PPIH: variants seen among roughly 807,000 people sequenced by gnomAD.
PPIH encodes peptidyl-prolyl cis-trans isomerase H.
PPIH carries 16 observed loss-of-function variants against 27.6 expected under a neutral mutation model. The ratio of observed to expected loss-of-function variants is 0.58; its 90% CI spans 0.39 to 0.88. The LOEUF is 0.88. Ranked by LOEUF, PPIH falls within the 40% of genes least tolerant of loss-of-function variation. The probability of loss-of-function intolerance (pLI) is 0.00; values close to 1 mark genes in which losing one functional copy is unlikely to be tolerated. For synonymous variants in PPIH, 63 were observed against 76.1 expected (o/e 0.83, Z 0.90); for missense variants, 155 against 224.1 (o/e 0.69, Z 1.97).
chr1:42,680,822 GAGTAGTA>G (rs1361632981), downstream of PPIH, among the ~76,000 whole-genome samples: 11 of 152,192 alleles, frequency 7.2e-5, no homozygotes, highest in African/African-American at 2.7e-4. Context: ...CTCCAAACCT[GAGTAGTA>G]AGTCAGAACC....
intron 2 of PPIH, 103 bp downstream of exon 2, chr1:42,659,011 C>A: frequency 7.2e-7 from 1 of 1,391,164 alleles, no homozygotes; most frequent in Non-Finnish European, 1.0e-6. Flanking sequence ...GCTCACTGCT[C>A]TTGAGACCTG....
At chr1:42,667,151 T>C (rs1220173127) in intron 8 of PPIH, among the ~76,000 whole-genome samples, 200 bp from the exon 9 acceptor site, 1 of 152,244 alleles carries the variant, frequency 6.6e-6, no homozygotes, top group Non-Finnish European at 1.5e-5. Flanking sequence ...CTTTTTCTTA[T>C]ATAATCATAA....
At chr1:42,667,116 A>G (rs1649382976) in intron 8 of PPIH, among the ~76,000 whole-genome samples, 1 of 152,064 alleles carries the variant, frequency 6.6e-6, no homozygotes, top group Non-Finnish European at 1.5e-5. Flanking sequence ...TGCCTATCTA[A>G]CCCTTATCCA....
chr1:42,664,326 A>G (rs1050135772), intron 5 of PPIH, among the ~76,000 whole-genome samples: 4 of 152,214 alleles, frequency 2.6e-5, no homozygotes, highest in Non-Finnish European at 4.4e-5. Flanking sequence ...GAGAGCATCT[A>G]TCCCACCTCC....
At chr1:42,680,923 G>A (rs1213825334), downstream of PPIH, among the ~76,000 whole-genome samples, 1 of 152,174 alleles carries the variant, frequency 6.6e-6, no homozygotes, top group East Asian at 1.9e-4. Flanking sequence ...AATTGGTGAT[G>A]ATGGCCTACA....
intron 9 of PPIH, among the ~76,000 whole-genome samples, chr1:42,674,749 C>T (rs1299672291): frequency 1.3e-5 from 2 of 152,192 alleles, no homozygotes; most frequent in East Asian, 3.8e-4. Context: ...AGAGGTTTTA[C>T]ATGAAAATAT....
downstream of PPIH, chr1:42,678,972 G>A (rs1256290025): frequency 6.6e-6 from 1 of 152,268 alleles, no homozygotes; most frequent in Non-Finnish European, 1.5e-5. Context: ...GAGATGGGGG[G>A]ACAAGGTAAA....
At chr1:42,673,816 T>C (rs1476456802) in intron 9 of PPIH, among the ~76,000 whole-genome samples, 1 of 152,236 alleles carries the variant, frequency 6.6e-6, no homozygotes, top group Admixed American at 6.5e-5. Context: ...TGAGGCAATA[T>C]TGAAGTTCAA....
At chr1:42,671,798 AAG>A (rs1336994933) in intron 9 of PPIH, among the ~76,000 whole-genome samples, 3 of 152,160 alleles carry the variant, frequency 2.0e-5, no homozygotes, top group African/African-American at 7.2e-5. Context: ...AAATTAATGA[AAG>A]AGGAGATGAA....
chr1:42,679,661 G>C (rs1406375529), downstream of PPIH, among the ~76,000 whole-genome samples: 1 of 152,232 alleles, frequency 6.6e-6, no homozygotes, highest in African/African-American at 2.4e-5. Flanking sequence ...TAGTGAGGCT[G>C]TTCACTTATT....
chr1:42,663,864 T>C (rs961532342), intron 5 of PPIH, among the ~76,000 whole-genome samples: 1 of 152,212 alleles, frequency 6.6e-6, no homozygotes, highest in Non-Finnish European at 1.5e-5. Flanking sequence ...CTTTCTCCCA[T>C]GTACTCTTTC....
At chr1:42,678,766 A>C (rs1279495278), downstream of PPIH, 1 of 152,240 alleles carries the variant, frequency 6.6e-6, no homozygotes, top group Non-Finnish European at 1.5e-5. Flanking sequence ...AGCTTCTGGA[A>C]TCTAATAGAT....
chr1:42,667,389 T>C lies in PPIH; in HGVS notation c.504T>C (p.Pro168=). The C allele has an allele frequency of 1.2e-6, 2 of 1,609,186 alleles. No individual in the cohort carries two copies. The highest frequency in any genetic ancestry group is 1.7e-6 in the Non-Finnish European group (2 of 1,175,522). The change falls in exon 9 of 10, where the codon CCT becomes CCC. Residue 168 remains proline, a synonymous_variant. Coordinates refer to ENST00000304979, the MANE Select transcript of PPIH (RefSeq NM_006347.4). ...PTGPNNKPKL[P]VVISQCGEM is the part of the protein sequence containing the mutation. ...GCCCCAACAATAAGCCCAAGCTACC[T>C]GTGGTGATCTCGCAGTGTGGGGAGA...
At chr1:42,671,473 T>G (rs1011631251) in intron 9 of PPIH, among the ~76,000 whole-genome samples, 1 of 152,212 alleles carries the variant, frequency 6.6e-6, no homozygotes, top group African/African-American at 2.4e-5. Flanking sequence ...AAAGAGCCAG[T>G]TGTAGCTAGT....
intron 8 of PPIH, 63 bp downstream of exon 8, chr1:42,666,650 T>C: frequency 3.3e-6 from 5 of 1,521,976 alleles, no homozygotes; most frequent in South Asian, 1.1e-5. Context: ...CTGACTAGCG[T>C]GCAGGAGCTA....
chr1:42,674,977 G>T (rs947624260), intron 9 of PPIH, among the ~76,000 whole-genome samples: 1 of 152,228 alleles, frequency 6.6e-6, no homozygotes, highest in African/African-American at 2.4e-5. Flanking sequence ...ATTCTCTTCA[G>T]TGGAATACTA....
chr1:42,662,355 TAG>T (rs1649084739), intron 5 of PPIH, among the ~76,000 whole-genome samples: 2 of 152,194 alleles, frequency 1.3e-5, no homozygotes, highest in Non-Finnish European at 2.9e-5. Flanking sequence ...CTTGGCAACA[TAG>T]TAAGACCCTG....
intron 9 of PPIH, among the ~76,000 whole-genome samples, chr1:42,674,317 C>G (rs1420894494): frequency 6.6e-6 from 1 of 152,172 alleles, no homozygotes; most frequent in Non-Finnish European, 1.5e-5. Context: ...GAGGGAACAG[C>G]CTATGCAAAG....
chr1:42,671,180 G>C (rs1018769625), intron 9 of PPIH, among the ~76,000 whole-genome samples: 1 of 152,090 alleles, frequency 6.6e-6, no homozygotes, highest in Non-Finnish European at 1.5e-5. Context: ...TGTAATCCCA[G>C]CACTTTGGGA....
Sources: allele counts gnomAD v4.1 joint callset (sites outside exome capture counted in the v4.1 genomes callset), GRCh38; gene constraint gnomAD v4.1.1; transcripts MANE v1.5; gene names NCBI Gene and HGNC (gene_info 2026-07-23, HGNC 2026-07-21).